Variants in LARGE1 observed in about 807,000 individuals in gnomAD.
LARGE1 encodes xylosyl- and glucuronyltransferase LARGE1.
A neutral mutation model predicts 87.6 loss-of-function variants in LARGE1; 43 were observed. The observed-to-expected ratio is 0.49, with a 90% confidence interval of 0.38 to 0.63. LARGE1 has a LOEUF of 0.63. Among genes scored for constraint, LARGE1 ranks in the 30% least tolerant of loss-of-function variants. The probability of loss-of-function intolerance (pLI) is 0.00; values close to 1 mark genes in which losing one functional copy is unlikely to be tolerated. For missense variants in LARGE1, 802 were observed against 1,000.2 expected (o/e 0.80, Z 2.67); for synonymous variants, 434 against 394.6 (o/e 1.10, Z -1.18).
At chr22:33,414,327 TTTCTTA>T (rs2066412311) in intron 7 of LARGE1, among the ~76,000 whole-genome samples, 1 of 152,134 alleles carries the variant, frequency 6.6e-6, no homozygotes, top group Admixed American at 6.6e-5. Context: ...AAATGAATTA[TTTCTTA>T]ATAGGTAAAA....
chr22:33,611,979 C>T (rs1481225277), intron 4 of LARGE1, among the ~76,000 whole-genome samples: 1 of 152,216 alleles, frequency 6.6e-6, no homozygotes, highest in East Asian at 1.9e-4. Flanking sequence ...GCCCTTCTGA[C>T]ATAAGTAAAT....
At chr22:33,378,159 A>G (rs2065044432) in intron 9 of LARGE1, among the ~76,000 whole-genome samples, 1 of 152,174 alleles carries the variant, frequency 6.6e-6, no homozygotes, top group Admixed American at 6.5e-5. Flanking sequence ...CTTGTTTTTA[A>G]GAATATTCTT....
intron 6 of LARGE1, among the ~76,000 whole-genome samples, chr22:33,480,433 A>C (rs2069268884): frequency 6.6e-6 from 1 of 152,062 alleles, no homozygotes; most frequent in Non-Finnish European, 1.5e-5. Context: ...TCTCCTGCTC[A>C]TTTCTCTGGT....
At chr22:33,364,618 A>C (rs11705225) in intron 9 of LARGE1, among the ~76,000 whole-genome samples, 17,023 of 152,212 alleles carry the variant, frequency 0.11, 1,160 homozygotes, top group South Asian at 0.26. Flanking sequence ...GCCACTTTAC[A>C]TAAGTCATTT....
intron 2 of LARGE1, chr22:33,732,357 GGC>G (rs2083500866): frequency 6.6e-6 from 1 of 152,236 alleles, no homozygotes; most frequent in Admixed American, 6.5e-5. Context: ...GGAGCTGAGG[GGC>G]CAGGAAGCCT....
chr22:33,848,835 T>C (rs1241100940), intron 1 of LARGE1, among the ~76,000 whole-genome samples: 2 of 152,206 alleles, frequency 1.3e-5, no homozygotes, highest in Non-Finnish European at 2.9e-5. Flanking sequence ...TTTCCCGAGA[T>C]GCCTCTTCGG....
chr22:33,740,669 A>C (rs1000510302), intron 2 of LARGE1, among the ~76,000 whole-genome samples: 3 of 152,198 alleles, frequency 2.0e-5, no homozygotes, highest in Non-Finnish European at 4.4e-5. Flanking sequence ...AGGCACCAAA[A>C]AATCAGCTGG....
At chr22:33,216,697 T>C (rs1419195406) in intron 11 of LARGE1, among the ~76,000 whole-genome samples, 2 of 151,882 alleles carry the variant, frequency 1.3e-5, no homozygotes, top group Non-Finnish European at 2.9e-5. Flanking sequence ...CATTTCACCA[T>C]GGAGGGCAAC....
At chr22:33,471,386 C>T (rs563434314) in intron 6 of LARGE1, among the ~76,000 whole-genome samples, 1 of 151,938 alleles carries the variant, frequency 6.6e-6, no homozygotes, top group Non-Finnish European at 1.5e-5. Context: ...TGGAAAGCCC[C>T]GAACAACCCC....
chr22:33,884,566 G>A (rs1030972402), intron 1 of LARGE1, among the ~76,000 whole-genome samples: 2 of 152,230 alleles, frequency 1.3e-5, no homozygotes, highest in African/African-American at 4.8e-5. Flanking sequence ...GGGAGACCGG[G>A]CAAGACCAGA....
intron 7 of LARGE1, among the ~76,000 whole-genome samples, chr22:33,428,962 G>A (rs9609791): frequency 1.3e-3 from 69 of 54,688 alleles, no homozygotes; most frequent in Non-Finnish European, 1.9e-3. Flanking sequence ...AAAAAAAAAA[G>A]GAGAGAACTG....
At chr22:33,126,948 G>T in the LARGE1 span, among the ~76,000 whole-genome samples, 1 of 152,000 alleles carries the variant, frequency 6.6e-6, no homozygotes, top group Non-Finnish European at 1.5e-5. Flanking sequence ...CCAAAGGCAG[G>T]GGGATTTTGC....
Position 33,283,288 on chromosome 22 carries a change from G to C in LARGE1, c.1791C>G (p.Phe597Leu). 6.2e-7 allele frequency: 1 copy of C among 1,614,158 alleles called. No individual in the cohort carries two copies. Among genetic ancestry groups the C allele is most frequent in the Non-Finnish European group, 8.5e-7 (1 of 1,180,020 alleles). ...NTKKAMIVPA[F>L]ETLRYRLSFP... ...AGGACAGCCGGTAGCGCAGTGTCTC[G>C]AACGCGGGGACAATCATTGCTTTCT... Residue 597 changes from phenylalanine (F) to leucine (L), a missense_variant, in exon 13 of 15, where the codon TTC (phenylalanine) becomes TTG (leucine). Around this residue, in one of 2 missense-constraint regions of LARGE1, gnomAD observed 625 missense variants for 841.9 expected, o/e 0.74. Transcript: ENST00000397394.
chr22:33,805,095 G>A (rs557983270), intron 1 of LARGE1, among the ~76,000 whole-genome samples: 5 of 152,214 alleles, frequency 3.3e-5, no homozygotes, highest in East Asian at 1.9e-4. Flanking sequence ...CACCAACTTC[G>A]TTCCTTTAGG....
chr22:33,285,018 T>C (rs1321092784), intron 12 of LARGE1, among the ~76,000 whole-genome samples: 4 of 152,248 alleles, frequency 2.6e-5, no homozygotes, highest in African/African-American at 2.4e-5. Flanking sequence ...ATCTACCTCC[T>C]GTGGACCGAA....
At chr22:33,782,789 C>G (rs773488666) in intron 1 of LARGE1, among the ~76,000 whole-genome samples, 1 of 151,192 alleles carries the variant, frequency 6.6e-6, no homozygotes, top group African/African-American at 2.4e-5. Flanking sequence ...CACTTGAACC[C>G]GGGAGGTGGA....
chr22:33,621,629 A>G (rs2079757843), intron 4 of LARGE1, among the ~76,000 whole-genome samples: 1 of 152,218 alleles, frequency 6.6e-6, no homozygotes, highest in African/African-American at 2.4e-5. Flanking sequence ...ACCATGTATT[A>G]GTTAATCCCC....
intron 1 of LARGE1, among the ~76,000 whole-genome samples, chr22:33,874,427 C>T (rs1476561940): frequency 7.2e-5 from 11 of 152,156 alleles, no homozygotes; most frequent in Non-Finnish European, 1.5e-4. Context: ...GGTCTCAGGG[C>T]GTGACCCAAA....
At chr22:33,129,034 G>GGTGCCATGGTGA in the LARGE1 span, among the ~76,000 whole-genome samples, 2 of 152,294 alleles carry the variant, frequency 1.3e-5, no homozygotes, top group African/African-American at 4.8e-5. Flanking sequence ...CATGGCACAC[G>GGTGCCATGGTGA]TTTACCTATG....
Sources: gnomAD v4.1 joint callset for allele counts (sites outside exome capture counted in the v4.1 genomes callset) on GRCh38, gnomAD v4.1.1 for gene constraint, gnomAD v4.1.1 regional missense constraint, MANE v1.5 for transcripts, NCBI Gene and HGNC (gene_info 2026-07-23, HGNC 2026-07-21) for gene names.